Variants in CBLIF observed in about 807,000 individuals in gnomAD.
CBLIF encodes the protein gastric intrinsic factor (vitamin B synthesis).
CBLIF carries 24 observed loss-of-function variants against 44.9 expected under a neutral mutation model. That is an observed-to-expected ratio of 0.53 (90% confidence interval 0.39 to 0.75). The LOEUF (loss-of-function observed/expected upper bound fraction) is 0.75, where lower values mean the gene tolerates loss of function less well. Ranked by LOEUF, CBLIF falls within the 30% of genes least tolerant of loss-of-function variation. The probability of loss-of-function intolerance (pLI) is 0.00; values close to 1 mark genes in which losing one functional copy is unlikely to be tolerated. For synonymous variants in CBLIF, 183 were observed against 190.9 expected (o/e 0.96, Z 0.34); for missense variants, 481 against 513.0 (o/e 0.94, Z 0.60).
chr11:59,842,418 CTCGGGG>C lies in CBLIF; in HGVS notation c.511+19_511+24del. The C allele has an allele frequency of 6.2e-7, 1 of 1,612,822 alleles. No homozygotes were observed. Among genetic ancestry groups the C allele is most frequent in the Non-Finnish European group, 8.5e-7 (1 of 1,179,634 alleles). On this transcript the variant is annotated intron_variant, in intron 4 of 8. Transcript: ENST00000257248. ...TTCACGATGCCTCTGATGTTCCCAG[CTCGGGG>C]TAGTGGTGACCTACTCACCTACATT... is the stretch of plus-strand genomic sequence containing the variant.
In CBLIF at chr11:59,841,272, A is replaced by G; in HGVS notation, c.564T>C (p.Pro188=). ...LALTCMYNKI[P]VGSEEGYRSL... is the part of the protein sequence containing the mutation. ...ATCTGTAACCTTCCTCTGAACCTACAGGGATCTTGTTGTACATACAGGTCA... is the reference window on the plus strand; with the variant it reads ...ATCTGTAACCTTCCTCTGAACCTACGGGGATCTTGTTGTACATACAGGTCA... The change falls in exon 5 of 9, where the codon CCT becomes CCC. Residue 188 remains proline (P), a synonymous_variant. Coordinates refer to ENST00000257248, the MANE Select transcript of CBLIF (RefSeq NM_005142.3). 6.2e-7 allele frequency: 1 copy of G among 1,613,882 alleles called. No individual in the cohort carries two copies. The highest frequency in any genetic ancestry group is 8.5e-7 in the Non-Finnish European group (1 of 1,179,712).
intron 3 of CBLIF, 133 bp from the exon 4 acceptor site, chr11:59,842,716 CAA>C (rs759127677): frequency 2.5e-6 from 2 of 808,312 alleles, no homozygotes; most frequent in Non-Finnish European, 4.2e-6. Flanking sequence ...ACAGCATAGG[CAA>C]AGAGCAACTT....
intron 2 of CBLIF, among the ~76,000 whole-genome samples, chr11:59,843,642 G>C (rs1472978421): frequency 6.6e-6 from 1 of 152,142 alleles, no homozygotes; most frequent in Non-Finnish European, 1.5e-5. Flanking sequence ...GAACCAGAAG[G>C]CTGCTCTTTC....
At position 59,831,680 on chromosome 11, in the gene CBLIF, T is replaced by A. The variant is rs150005713; in HGVS notation, c.1190A>T (p.Glu397Val). The A allele has an allele frequency of 1.9e-4, 258 of 1,340,848 alleles. No homozygotes were observed. Among genetic ancestry groups the A allele is most frequent in the Non-Finnish European group, 2.7e-4 (254 of 930,366 alleles). The allele number at this position is 1,340,848 out of a possible 1,614,324, so 83.1% of individuals were successfully genotyped here. Residue 397 changes from glutamate (E) to valine (V), a missense_variant and splice_region_variant, in exon 8 of 9, where the codon GAA (glutamate) becomes GTA (valine). By Grantham distance (121) the Glu-to-Val change is moderately radical. Coordinates refer to ENST00000257248, the MANE Select transcript of CBLIF (RefSeq NM_005142.3). ...QFLSGVTPLNEGVADYIPFNH... is the reference protein window; with the variant it reads ...QFLSGVTPLNVGVADYIPFNH... ...GCCTATGTCTTTTCTTCCCTCACCT[T>A]CATTCAAAGGTGTTACACCACTAAG...
intron 6 of CBLIF, 51 bp from the exon 7 acceptor site, chr11:59,836,060 A>G (rs1207129295): frequency 3.5e-6 from 5 of 1,432,958 alleles, no homozygotes; most frequent in Admixed American, 1.7e-5. Flanking sequence ...GGTTTGTATC[A>G]TAGGTGCAAA....
At chr11:59,838,054 GA>G (rs1202793508) in intron 5 of CBLIF, among the ~76,000 whole-genome samples, 1 of 152,046 alleles carries the variant, frequency 6.6e-6, no homozygotes, top group Non-Finnish European at 1.5e-5. Flanking sequence ...GCTGGACGAT[GA>G]AAAAAGAGTG....
chr11:59,835,859 G>A lies in CBLIF; in HGVS notation c.1022C>T (p.Ser341Leu). 6.2e-7 allele frequency: 1 copy of A among 1,614,136 alleles called. No individual in the cohort carries two copies. Among genetic ancestry groups the A allele is most frequent in the Non-Finnish European group, 8.5e-7 (1 of 1,179,970 alleles). Reference protein sequence around the residue: ...ETINVSVKSGSVLLVVLEEAQ... With the variant: ...ETINVSVKSGLVLLVVLEEAQ... The stretch of plus-strand genomic sequence containing the variant: ...TTCCTCTAGGACAACAAGTAACACT[G>A]ACCCACTTTTCACACTAACATTGAT... Residue 341 changes from serine (S) to leucine (L), a missense_variant, in exon 7 of 9, where the codon TCA becomes TTA. Ser to Leu is a moderately radical substitution (Grantham distance 145). Transcript: ENST00000257248.
At chr11:59,837,671 C>T (rs1176957041) in intron 5 of CBLIF, among the ~76,000 whole-genome samples, 1 of 152,160 alleles carries the variant, frequency 6.6e-6, no homozygotes, top group Non-Finnish European at 1.5e-5. Flanking sequence ...GGAGCTTTAG[C>T]CTAGGACAGT....
chr11:59,830,235 T>C (rs1866355226), intron 8 of CBLIF, among the ~76,000 whole-genome samples: 1 of 120,004 alleles, frequency 8.3e-6, no homozygotes, highest in Non-Finnish European at 1.7e-5. Flanking sequence ...ATTACTTTCT[T>C]TTTTTTTTTT....
chr11:59,833,178 A>G (rs1366478275), intron 7 of CBLIF, among the ~76,000 whole-genome samples: 1 of 152,238 alleles, frequency 6.6e-6, no homozygotes, highest in East Asian at 1.9e-4. Context: ...AATTAAAGCT[A>G]ACTTCAGAGA....
At chr11:59,833,178 A>T (rs1366478275) in intron 7 of CBLIF, among the ~76,000 whole-genome samples, 1 of 152,238 alleles carries the variant, frequency 6.6e-6, no homozygotes. Flanking sequence ...AATTAAAGCT[A>T]ACTTCAGAGA....
At chr11:59,835,673 G>C (rs985977674) in intron 7 of CBLIF, 135 bp downstream of exon 7, 7 of 745,152 alleles carry the variant, frequency 9.4e-6, no homozygotes, top group Non-Finnish European at 1.7e-5. Context: ...CTATTTATTA[G>C]ATTGAAAGCT....
At chr11:59,834,307 T>TTCCTTCCTTCCTTCCTTC (rs1866421735) in intron 7 of CBLIF, among the ~76,000 whole-genome samples, 3 of 47,034 alleles carry the variant, frequency 6.4e-5, no homozygotes, top group African/African-American at 2.4e-4. Flanking sequence ...TTTCTTTCTT[T>TTCCTTCCTTCCTTCCTTC]CTTTCTTCCT....
rs1042907320 is a variant in CBLIF, at chr11:59,838,073, A to C, written c.694-722T>G. ...GACGATGAAAAAAGAGTGGCTCCTG[A>C]TATCATGATTTGAGCCCTTTATTCT... On this transcript the variant is annotated intron_variant, in intron 5 of 8. Transcript: ENST00000257248. Among the ~76,000 whole-genome samples the C allele has an allele frequency of 2.0e-5, 3 of 152,160 alleles. No individual in the cohort carries two copies. The East Asian group carries it at 5.8e-4, about 29-fold the overall frequency.
Position 59,831,717 on chromosome 11 carries a change from A to G in CBLIF, c.1153T>C (p.Tyr385His). ...GTTACACCACTAAGAAACTGCCAGT[A>G]TGTCTTGTGATTAACATTTTCCGCG... ...NIAENVNHKT[Y>H]WQFLSGVTPL... The change falls in exon 8 of 9, where the codon TAC (tyrosine) becomes CAC (histidine). Residue 385 changes from tyrosine (Y) to histidine (H), a missense_variant. Transcript: ENST00000257248. 3 of 1,595,722 alleles carry G rather than the reference A, an allele frequency of 1.9e-6. No individual in the cohort carries two copies. The highest frequency in any genetic ancestry group is 2.6e-6 in the Non-Finnish European group (3 of 1,163,272).
In CBLIF at chr11:59,843,087, C is replaced by T. The variant is rs150639344; in HGVS notation, c.311G>A (p.Arg104Gln). 3.2e-5 allele frequency: 52 copies of T among 1,613,784 alleles called. No homozygotes were observed. Among genetic ancestry groups the T allele is most frequent in the Non-Finnish European group, 4.0e-5 (47 of 1,179,832 alleles). ...LTIMALTSSC[R>Q]DPGDKVSILQ... ...AATGGATACTTTATCCCCAGGGTCT[C>T]GGCAGGAGGAGGTGAGGGCCATGAT... The change falls in exon 3 of 9, where the codon CGA becomes CAA. Residue 104 changes from arginine (R) to glutamine (Q), a missense_variant. Transcript: ENST00000257248.
intron 6 of CBLIF, among the ~76,000 whole-genome samples, chr11:59,836,276 A>C (rs1740533919): frequency 6.6e-6 from 1 of 152,116 alleles, no homozygotes; most frequent in African/African-American, 2.4e-5. Flanking sequence ...AGTTTGCTTG[A>C]TTTTGGTCTC....
chr11:59,833,032 A>G (rs567043356), intron 7 of CBLIF, among the ~76,000 whole-genome samples: 1 of 152,332 alleles, frequency 6.6e-6, no homozygotes, highest in East Asian at 1.9e-4. Context: ...AAAACCTACA[A>G]AAGTTATAAA....
Position 59,830,345 on chromosome 11 carries a change from A to G in CBLIF, c.1193-800T>C, listed in dbSNP as rs186924056. ...TTCGCCTCCTGGGTTCATGCCATTC[A>G]CCTGCCTCAGCCTCCCGAGTAGCTG... is the stretch of plus-strand genomic sequence containing the variant. On this transcript the variant is annotated intron_variant, in intron 8 of 8. Transcript: ENST00000257248. Among the ~76,000 whole-genome samples the G allele has an allele frequency of 3.5e-4, 51 of 145,430 alleles. No individual in the cohort carries two copies. The South Asian group carries it at 0.011, about 30-fold the overall frequency.
Sources: allele counts gnomAD v4.1 joint callset (sites outside exome capture counted in the v4.1 genomes callset), GRCh38; gene constraint gnomAD v4.1.1; transcripts MANE v1.5; gene names NCBI Gene and HGNC (gene_info 2026-07-23, HGNC 2026-07-21).